Variants in DCC observed in about 807,000 individuals in gnomAD.
DCC encodes netrin receptor DCC.
Under a neutral mutation model 172.5 loss-of-function variants are expected in DCC, and 58 were observed. The observed-to-expected ratio is 0.34, with a 90% confidence interval of 0.27 to 0.42. The LOEUF is 0.42. Ranked by LOEUF, DCC falls within the 10% of genes least tolerant of loss-of-function variation. The pLI, the probability that DCC is intolerant of heterozygous loss-of-function variation, is 1.00. For synonymous variants in DCC, 709 were observed against 644.5 expected, an observed-to-expected ratio of 1.10 and a Z score of -1.52; for missense variants, 1,740 against 1,791.0, an observed-to-expected ratio of 0.97 and a Z score of 0.51.
chr18:53,039,765 T>C (rs1181057981), intron 5 of DCC, among the ~76,000 whole-genome samples: 1 of 151,998 alleles, frequency 6.6e-6, no homozygotes, highest in Non-Finnish European at 1.5e-5. Context: ...ACAAGGGATA[T>C]AAAAACTGTC....
intron 5 of DCC, among the ~76,000 whole-genome samples, chr18:52,956,278 A>G (rs1325645489): frequency 1.3e-5 from 2 of 151,914 alleles, no homozygotes; most frequent in African/African-American, 4.8e-5. Flanking sequence ...TTTTACATGT[A>G]GATATCCAGT....
chr18:53,339,790 C>T lies in DCC; in HGVS notation c.2242C>T (p.Pro748Ser). 2 of 1,613,916 alleles carry T rather than the reference C, an allele frequency of 1.2e-6. No individual in the cohort carries two copies. Among genetic ancestry groups the T allele is most frequent in the Non-Finnish European group, 1.7e-6 (2 of 1,179,920 alleles). ...TNCIIMSWTP[P>S]LNPNIVVRGY... ...CTGCATCATCATGAGTTGGACTCCT[C>T]CCTTGAACCCAAACATCGTGGTGCG... Residue 748 changes from proline (P) to serine (S), a missense_variant, in exon 15 of 29, where the codon CCC becomes TCC. Transcript: ENST00000442544.
At chr18:53,200,279 C>T (rs967122313) in intron 9 of DCC, among the ~76,000 whole-genome samples, 4 of 152,102 alleles carry the variant, frequency 2.6e-5, no homozygotes, top group African/African-American at 9.7e-5. Flanking sequence ...ACACATGTAC[C>T]GATTTTAGTT....
intron 8 of DCC, among the ~76,000 whole-genome samples, chr18:53,163,971 A>G (rs2054880180): frequency 6.6e-6 from 1 of 152,168 alleles, no homozygotes; most frequent in African/African-American, 2.4e-5. Context: ...CCAAGATGAG[A>G]CTTAAAGAAG....
At chr18:52,373,386 A>T (rs1205745587) in intron 1 of DCC, among the ~76,000 whole-genome samples, 2 of 152,208 alleles carry the variant, frequency 1.3e-5, no homozygotes, top group African/African-American at 4.8e-5. Flanking sequence ...AGTGCCCACA[A>T]ATCAGCAATT....
chr18:53,162,105 C>G (rs1483103552), intron 8 of DCC, among the ~76,000 whole-genome samples: 1 of 151,994 alleles, frequency 6.6e-6, no homozygotes, highest in Non-Finnish European at 1.5e-5. Flanking sequence ...TCGAGACCAG[C>G]CCGGCCAACA....
chr18:52,723,887 A>C (rs1369720451), intron 1 of DCC, among the ~76,000 whole-genome samples: 1 of 152,316 alleles, frequency 6.6e-6, no homozygotes, highest in African/African-American at 2.4e-5. Context: ...GCTTGATCGG[A>C]GACGACATGA....
rs914091663 is a variant in DCC, at chr18:53,478,364, A to T, written c.3737-8433A>T. Among the ~76,000 whole-genome samples, 11 of 152,174 alleles carry T rather than the reference A, an allele frequency of 7.2e-5. 1 individual carries two copies. The highest frequency in any genetic ancestry group is 7.2e-4 in the Admixed American group (11 of 15,266). Reference sequence around the variant, plus strand: ...TTTCTAGATGGTATTGCACAATCGGATGTAACTATTTGGCCATTTTCAACC... The same window carrying T: ...TTTCTAGATGGTATTGCACAATCGGTTGTAACTATTTGGCCATTTTCAACC... On this transcript the variant is annotated intron_variant, in intron 25 of 28. Transcript: ENST00000442544.
chr18:53,139,651 A>G (rs1047467695), intron 7 of DCC, among the ~76,000 whole-genome samples: 1 of 152,114 alleles, frequency 6.6e-6, no homozygotes, highest in African/African-American at 2.4e-5. Context: ...AGCTGCTGCT[A>G]TTGTCACCCA....
chr18:53,523,036 C>A (rs2046417451), intron 27 of DCC, among the ~76,000 whole-genome samples: 1 of 152,056 alleles, frequency 6.6e-6, no homozygotes, highest in South Asian at 2.1e-4. Context: ...GGCTAATATC[C>A]AGAATCTACA....
At chr18:53,236,724 T>A (rs2056207601) in intron 12 of DCC, among the ~76,000 whole-genome samples, 1 of 152,134 alleles carries the variant, frequency 6.6e-6, no homozygotes, top group South Asian at 2.1e-4. Flanking sequence ...CATTTAGGTC[T>A]GTGATACACC....
chr18:53,379,014 A>T (rs552815996), intron 15 of DCC, among the ~76,000 whole-genome samples: 95 of 152,368 alleles, frequency 6.2e-4, no homozygotes, highest in African/African-American at 2.2e-3. Context: ...TGTGTTGCTC[A>T]TCCTTTTAAG....
intron 1 of DCC, among the ~76,000 whole-genome samples, chr18:52,425,246 G>T (rs1270134434): frequency 2.0e-5 from 3 of 152,142 alleles, no homozygotes; most frequent in East Asian, 3.9e-4. Context: ...TCCTAAGGAG[G>T]TATTAATGAA....
chr18:53,211,455 G>A (rs139004087), intron 11 of DCC, among the ~76,000 whole-genome samples: 60 of 152,330 alleles, frequency 3.9e-4, no homozygotes, highest in African/African-American at 1.4e-3. Flanking sequence ...CAGGCATGGT[G>A]GCTCACTCTT....
chr18:53,089,214 C>G lies in DCC; in HGVS notation c.1261+23048C>G, dbSNP rs2042966010. On this transcript the variant is annotated intron_variant, in intron 7 of 28. Coordinates refer to ENST00000442544, the MANE Select transcript of DCC (RefSeq NM_005215.4). ...GATTCTCCTGCCTCAGCCTACCAAG[C>G]AGCTGGGATTACAGGTGCCTGCCAC... 2.0e-5 allele frequency among the ~76,000 whole-genome samples: 3 copies of G among 151,946 alleles called. 1 individual carries two copies. The highest frequency in any genetic ancestry group is 7.2e-5 in the African/African-American group (3 of 41,396).
intron 12 of DCC, among the ~76,000 whole-genome samples, chr18:53,257,545 C>T (rs1366718987): frequency 1.3e-5 from 2 of 152,222 alleles, no homozygotes; most frequent in East Asian, 3.8e-4. Context: ...ACCAGCCTTG[C>T]ATCCCAGGGA....
intron 1 of DCC, among the ~76,000 whole-genome samples, chr18:52,683,079 C>G (rs2035775172): frequency 6.6e-6 from 1 of 152,036 alleles, no homozygotes; most frequent in Non-Finnish European, 1.5e-5. Context: ...GATTTCATCA[C>G]TGAAACTGGT....
At chr18:53,118,097 A>G (rs749183421) in intron 7 of DCC, among the ~76,000 whole-genome samples, 3 of 151,758 alleles carry the variant, frequency 2.0e-5, no homozygotes, top group Admixed American at 1.3e-4. Flanking sequence ...CAAATTCCCA[A>G]TGCTTCATTT....
intron 7 of DCC, among the ~76,000 whole-genome samples, chr18:53,152,206 G>A (rs2054652596): frequency 1.3e-5 from 2 of 152,140 alleles, no homozygotes; most frequent in Non-Finnish European, 2.9e-5. Context: ...ATGAAACAAG[G>A]AAATAGGTCT....
Sources: gnomAD v4.1 joint callset for allele counts (sites outside exome capture counted in the v4.1 genomes callset) on GRCh38, gnomAD v4.1.1 for gene constraint, MANE v1.5 for transcripts, NCBI Gene and HGNC (gene_info 2026-07-23, HGNC 2026-07-21) for gene names.